Variants in MARCHF6 observed in about 807,000 individuals in gnomAD.
MARCHF6 encodes the protein E3 ubiquitin-protein ligase MARCHF6.
MARCHF6 carries 31 observed loss-of-function variants against 133.7 expected under a neutral mutation model. The ratio of observed to expected loss-of-function variants is 0.23; its 90% confidence interval spans 0.17 to 0.31. MARCHF6 has a LOEUF of 0.31. Among genes scored for constraint, MARCHF6 ranks in the 10% least tolerant of loss-of-function variants. MARCHF6 has a pLI of 1.00. For missense variants in MARCHF6, 723 were observed against 1,121.6 expected, an observed-to-expected ratio of 0.64 and a Z score of 5.08; for synonymous variants, 395 against 402.5, an observed-to-expected ratio of 0.98 and a Z score of 0.22.
chr5:10,423,178 T>C (rs1383588272), intron 22 of MARCHF6, among the ~76,000 whole-genome samples: 3 of 148,512 alleles, frequency 2.0e-5, no homozygotes, highest in Non-Finnish European at 4.4e-5. Context: ...GGAAGGGGGC[T>C]GTGGGGAGGG....
chr5:10,423,461 T>C (rs1314396853), intron 22 of MARCHF6, among the ~76,000 whole-genome samples: 3 of 152,218 alleles, frequency 2.0e-5, no homozygotes, highest in Non-Finnish European at 4.4e-5. Flanking sequence ...CTTTTTGAGA[T>C]ATCCATTAAT....
At position 10,434,009 on chromosome 5, in the gene MARCHF6, C is replaced by A; in HGVS notation, c.*325C>A. 3.7e-6 allele frequency: 1 copy of A among 270,884 alleles called. No individual in the cohort carries two copies. Among genetic ancestry groups the A allele is most frequent in the Non-Finnish European group, 7.2e-6 (1 of 138,418 alleles). The allele number at this position is 270,884 out of a possible 1,614,324, so 16.8% of individuals were successfully genotyped here. ...ATCTAGTTGTCACTTTATTTTGGACCTGCTGTGATCTCGACAGGAAACGTG... is the reference window on the plus strand; with the variant it reads ...ATCTAGTTGTCACTTTATTTTGGACATGCTGTGATCTCGACAGGAAACGTG... On this transcript the variant is annotated 3_prime_UTR_variant, in exon 26 of 26. Coordinates refer to ENST00000274140, the MANE Select transcript of MARCHF6 (RefSeq NM_005885.4).
chr5:10,413,008 G>A (rs1368249516), intron 19 of MARCHF6, among the ~76,000 whole-genome samples: 1 of 152,110 alleles, frequency 6.6e-6, no homozygotes, highest in African/African-American at 2.4e-5. Context: ...GGGAGATAAC[G>A]CTCTTGAATG....
chr5:10,427,905 A>G (rs1231052096), intron 24 of MARCHF6, among the ~76,000 whole-genome samples: 1 of 152,152 alleles, frequency 6.6e-6, no homozygotes, highest in African/African-American at 2.4e-5. Context: ...CAACCTCTAA[A>G]AAAAATAAAA....
chr5:10,391,766 C>T, intron 7 of MARCHF6, 35 bp downstream of exon 7: 5 of 1,444,566 alleles, frequency 3.5e-6, no homozygotes, highest in Non-Finnish European at 4.6e-6. Flanking sequence ...CTCTTCAGCA[C>T]TGCAAATCTG....
At chr5:10,389,740 TG>T (rs1368215322) in intron 5 of MARCHF6, among the ~76,000 whole-genome samples, 3 of 152,220 alleles carry the variant, frequency 2.0e-5, no homozygotes, top group Non-Finnish European at 4.4e-5. Context: ...TAGACCTCTT[TG>T]TCTTACATAT....
At chr5:10,375,671 AAC>A (rs1226609585) in intron 1 of MARCHF6, among the ~76,000 whole-genome samples, 2 of 152,232 alleles carry the variant, frequency 1.3e-5, no homozygotes, top group African/African-American at 4.8e-5. Context: ...AGGGACTGCA[AAC>A]ACACCAATCA....
chr5:10,361,532 G>A (rs1017146074), intron 1 of MARCHF6, among the ~76,000 whole-genome samples: 1 of 152,066 alleles, frequency 6.6e-6, no homozygotes, highest in Non-Finnish European at 1.5e-5. Flanking sequence ...AAAGACGCTA[G>A]TCATATTGGA....
At position 10,415,629 on chromosome 5, in the gene MARCHF6, G is replaced by T; in HGVS notation, c.2108G>T (p.Arg703Leu). 2 of 1,614,138 alleles carry T rather than the reference G, an allele frequency of 1.2e-6. No individual in the cohort carries two copies. The highest frequency in any genetic ancestry group is 1.3e-5 in the African/African-American group (1 of 75,036). The change falls in exon 21 of 26, where the codon CGC (arginine) becomes CTC (leucine). Residue 703 changes from arginine (R) to leucine (L), a missense_variant. By Grantham distance (102) the Arg-to-Leu change is moderately radical. Coordinates refer to ENST00000274140, the MANE Select transcript of MARCHF6 (RefSeq NM_005885.4). Reference sequence around the variant, plus strand: ...ATGGTGGCATGGATGCCTCAGGGACGCAGAGTGATCTTCCAGAAGGTTAAA... The same window carrying T: ...ATGGTGGCATGGATGCCTCAGGGACTCAGAGTGATCTTCCAGAAGGTTAAA... ...TVMVAWMPQG[R>L]RVIFQKVKEW...
intron 22 of MARCHF6, among the ~76,000 whole-genome samples, chr5:10,422,447 T>C (rs373648087): frequency 3.9e-5 from 6 of 152,182 alleles, no homozygotes; most frequent in South Asian, 2.1e-4. Flanking sequence ...GTATATCTTA[T>C]TAGACACGGG....
intron 1 of MARCHF6, among the ~76,000 whole-genome samples, chr5:10,361,099 TAGATG>T (rs1347842529): frequency 6.6e-6 from 1 of 152,170 alleles, no homozygotes; most frequent in African/African-American, 2.4e-5. Context: ...TGCAGTAGGC[TAGATG>T]AGATATAGGA....
intron 20 of MARCHF6, among the ~76,000 whole-genome samples, chr5:10,415,202 C>T (rs771945415): frequency 5.9e-5 from 9 of 152,178 alleles, no homozygotes; most frequent in Admixed American, 1.3e-4. Flanking sequence ...TTAATTCCCT[C>T]AAAAGCTTTT....
At chr5:10,414,942 T>A (rs928270995) in intron 20 of MARCHF6, among the ~76,000 whole-genome samples, 7 of 152,224 alleles carry the variant, frequency 4.6e-5, no homozygotes, top group African/African-American at 1.7e-4. Flanking sequence ...TAGTCTTAAC[T>A]TTTTCTAAGA....
At chr5:10,425,312 A>T (rs1194801904) in intron 23 of MARCHF6, among the ~76,000 whole-genome samples, 1 of 152,170 alleles carries the variant, frequency 6.6e-6, no homozygotes, top group Non-Finnish European at 1.5e-5. Context: ...TCCCTTCAGG[A>T]TCAGAGTGCA....
At chr5:10,402,510 G>C in intron 13 of MARCHF6, 23 bp from the exon 14 acceptor site, 1 of 1,612,104 alleles carries the variant, frequency 6.2e-7, no homozygotes, top group Non-Finnish European at 8.5e-7. Flanking sequence ...GGGTGATACT[G>C]ATGACCTTTA....
chr5:10,371,042 A>C lies in MARCHF6; in HGVS notation c.20-6756A>C, dbSNP rs989555830. Among the ~76,000 whole-genome samples the C allele has an allele frequency of 9.2e-5, 14 of 152,242 alleles. No homozygotes were observed. In the East Asian group the frequency reaches 2.7e-3, roughly 29 times the overall value. On this transcript the variant is annotated intron_variant, in intron 1 of 25. Transcript: ENST00000274140. ...AAGGTCAAAAGGAGAGTACTCTTGG[A>C]ATTGGGAGCTAGTTTTTAATCCTCA...
At chr5:10,421,559 G>T (rs1430978991) in intron 22 of MARCHF6, among the ~76,000 whole-genome samples, 1 of 152,238 alleles carries the variant, frequency 6.6e-6, no homozygotes, top group African/African-American at 2.4e-5. Context: ...TAGTGGGCCA[G>T]TTGGAATTCT....
Position 10,365,501 on chromosome 5 carries a change from T to C in MARCHF6, c.19+11584T>C, listed in dbSNP as rs1208355162. Reference sequence around the variant, plus strand: ...TTTTAGTAGAGGTGGGGTTTCTCCATGTTGGTCAGGTTGGTCATGAACTGC... The same window carrying C: ...TTTTAGTAGAGGTGGGGTTTCTCCACGTTGGTCAGGTTGGTCATGAACTGC... On this transcript the variant is annotated intron_variant, in intron 1 of 25. Transcript: ENST00000274140. Among the ~76,000 whole-genome samples the C allele has an allele frequency of 4.6e-5, 7 of 152,068 alleles. No individual in the cohort carries two copies. In the South Asian group the frequency reaches 6.2e-4, roughly 14 times the overall value.
At chr5:10,364,496 CA>C (rs1192411822) in intron 1 of MARCHF6, among the ~76,000 whole-genome samples, 3 of 152,118 alleles carry the variant, frequency 2.0e-5, no homozygotes, top group Non-Finnish European at 4.4e-5. Flanking sequence ...CCTCTACTGG[CA>C]AAGTTTAACT....
Sources: allele counts gnomAD v4.1 joint callset (sites outside exome capture counted in the v4.1 genomes callset), GRCh38; gene constraint gnomAD v4.1.1; transcripts MANE v1.5; gene names NCBI Gene and HGNC (gene_info 2026-07-23, HGNC 2026-07-21).